The following TOP6BL variants were observed in gnomAD, a reference collection of about 807,000 sequenced individuals.
TOP6BL encodes TOP6B like initiator of meiotic double strand breaks, also known as type 2 DNA topoisomerase 6 subunit B-like.
chr11:66,768,750 C>T, the TOP6BL span, among the ~76,000 whole-genome samples: 1 of 149,480 alleles, frequency 6.7e-6, no homozygotes, highest in Non-Finnish European at 1.5e-5. Context: ...CTATTGAGAA[C>T]ATGTTCAAGA....
chr11:66,813,246 G>A, the TOP6BL span, among the ~76,000 whole-genome samples: 1 of 152,156 alleles, frequency 6.6e-6, no homozygotes, highest in Non-Finnish European at 1.5e-5. Flanking sequence ...TGTACCCCAA[G>A]AACTTAGAAC....
chr11:66,799,377 C>A, the TOP6BL span, among the ~76,000 whole-genome samples: 2 of 145,324 alleles, frequency 1.4e-5, no homozygotes, highest in African/African-American at 5.1e-5. Context: ...CAGAGTGAGA[C>A]TCCATTTCAA....
the TOP6BL span, among the ~76,000 whole-genome samples, chr11:66,751,106 C>G: frequency 2.0e-5 from 3 of 151,716 alleles, no homozygotes; most frequent in East Asian, 5.8e-4. Flanking sequence ...GCCTTGACCC[C>G]CTGAGCTCAG....
chr11:66,800,759 T>C, the TOP6BL span: 1 of 1,378,226 alleles, frequency 7.3e-7, no homozygotes. Context: ...TCAGCTATTA[T>C]TGTCCTATTT....
the TOP6BL span, among the ~76,000 whole-genome samples, chr11:66,817,424 A>C: frequency 6.7e-6 from 1 of 149,834 alleles, no homozygotes; most frequent in Non-Finnish European, 1.5e-5. Flanking sequence ...GAATCACTGG[A>C]TGATGATGAT....
At chr11:66,763,357 C>A in the TOP6BL span, among the ~76,000 whole-genome samples, 1 of 152,108 alleles carries the variant, frequency 6.6e-6, no homozygotes, top group Non-Finnish European at 1.5e-5. Context: ...TGCTCTGTGA[C>A]CCTAATTTTG....
At chr11:66,796,188 A>G in the TOP6BL span, 3 of 924,350 alleles carry the variant, frequency 3.2e-6, no homozygotes, top group Admixed American at 4.8e-5. Context: ...TTTCTGAGGT[A>G]TAGTTACTTT....
the TOP6BL span, among the ~76,000 whole-genome samples, chr11:66,779,619 C>G: frequency 1.2e-4 from 18 of 152,274 alleles, no homozygotes; most frequent in Admixed American, 3.9e-4. Flanking sequence ...CCTCGGAGAT[C>G]TAGAACTAGA....
chr11:66,821,560 C>G, the TOP6BL span: 8 of 1,464,044 alleles, frequency 5.5e-6, no homozygotes, highest in African/African-American at 1.1e-4. Context: ...CAGGCCACAT[C>G]TGGTAATTTA....
chr11:66,812,205 C>T, the TOP6BL span, among the ~76,000 whole-genome samples: 1 of 61,238 alleles, frequency 1.6e-5, no homozygotes, highest in African/African-American at 1.2e-4. Flanking sequence ...GAGACGGAGT[C>T]TGGCTCTGTC....
chr11:66,764,680 TAAA>T, the TOP6BL span, among the ~76,000 whole-genome samples: 3,173 of 133,302 alleles, frequency 0.024, 120 homozygotes, highest in East Asian at 0.15. Flanking sequence ...AAAAAAAAAA[TAAA>T]GAAGTGAAAA....
the TOP6BL span, among the ~76,000 whole-genome samples, chr11:66,801,469 T>A: frequency 6.6e-6 from 1 of 152,198 alleles, no homozygotes; most frequent in Admixed American, 6.6e-5. Context: ...TGTACATTAT[T>A]TTCTGTGCAT....
At chr11:66,835,550 A>T in the TOP6BL span, among the ~76,000 whole-genome samples, 2 of 152,178 alleles carry the variant, frequency 1.3e-5, no homozygotes, top group South Asian at 4.1e-4. Context: ...CATTAGCAGT[A>T]CCTATTCGCA....
chr11:66,776,216 G>T, the TOP6BL span, among the ~76,000 whole-genome samples: 1 of 152,046 alleles, frequency 6.6e-6, no homozygotes, highest in East Asian at 2.0e-4. Context: ...GCACCACCAT[G>T]CCTGGGTAAC....
At chr11:66,744,814 G>A in the TOP6BL span, 15 of 1,292,688 alleles carry the variant, frequency 1.2e-5, no homozygotes, top group Non-Finnish European at 1.5e-5. Context: ...CCCGGGCTGA[G>A]GAGGGGGCGG....
At chr11:66,805,643 C>T in the TOP6BL span, among the ~76,000 whole-genome samples, 2 of 152,026 alleles carry the variant, frequency 1.3e-5, no homozygotes, top group South Asian at 4.1e-4. Flanking sequence ...TTGGTAGAGA[C>T]AGAGTTTCAC....
chr11:66,771,321 A>G, the TOP6BL span: 2 of 150,860 alleles, frequency 1.3e-5, no homozygotes, highest in Non-Finnish European at 3.0e-5. Flanking sequence ...TTTTTAAGAA[A>G]TTTAAATTTG....
chr11:66,759,288 C>G, the TOP6BL span, among the ~76,000 whole-genome samples: 1 of 152,060 alleles, frequency 6.6e-6, no homozygotes, highest in East Asian at 1.9e-4. Flanking sequence ...AGTACTTTAT[C>G]CTACATTTTA....
chr11:66,824,338 T>G, the TOP6BL span, among the ~76,000 whole-genome samples: 1 of 151,572 alleles, frequency 6.6e-6, no homozygotes, highest in East Asian at 1.9e-4. Flanking sequence ...CTCCGCCTCC[T>G]GGGTTCAAGC....
Sources: gnomAD v4.1 joint callset for allele counts (sites outside exome capture counted in the v4.1 genomes callset) on GRCh38, gnomAD v4.1.1 for gene constraint, MANE v1.5 for transcripts, NCBI Gene and HGNC (gene_info 2026-07-23, HGNC 2026-07-21) for gene names.